The following ANKS1A variants were observed in gnomAD, a reference collection of about 807,000 sequenced individuals.
ANKS1A encodes ankyrin repeat and SAM domain-containing protein 1A.
A neutral mutation model predicts 120.3 loss-of-function variants in ANKS1A; 55 were observed. The ratio of observed to expected loss-of-function variants is 0.46; its 90% CI spans 0.37 to 0.57. ANKS1A has a LOEUF of 0.57. ANKS1A is among the 20% of genes least tolerant of loss of function. The pLI, the probability that ANKS1A is intolerant of heterozygous loss-of-function variation, is 0.00. For synonymous variants in ANKS1A, 590 were observed against 604.7 expected (o/e 0.98, Z 0.36); for missense variants, 1,123 against 1,480.3 (o/e 0.76, Z 3.96).
chr6:35,073,659 C>T (rs912279957), intron 13 of ANKS1A, among the ~76,000 whole-genome samples: 11 of 152,252 alleles, frequency 7.2e-5, no homozygotes, highest in Non-Finnish European at 1.5e-4. Context: ...ATCCCTAGGA[C>T]AATGAACTGT....
chr6:35,059,866 A>G (rs969370423), intron 12 of ANKS1A, among the ~76,000 whole-genome samples: 5 of 152,164 alleles, frequency 3.3e-5, no homozygotes, highest in South Asian at 4.1e-4. Context: ...GAGATCATGC[A>G]TGTGCAGCCG....
intron 3 of ANKS1A, among the ~76,000 whole-genome samples, chr6:34,970,467 C>T (rs1047654671): frequency 1.3e-5 from 2 of 152,128 alleles, no homozygotes; most frequent in African/African-American, 2.4e-5. Flanking sequence ...CCCTTCGTTT[C>T]CAGGACCTCC....
intron 1 of ANKS1A, among the ~76,000 whole-genome samples, chr6:34,927,124 T>C (rs1768756697): frequency 6.6e-6 from 1 of 152,134 alleles, no homozygotes; most frequent in South Asian, 2.1e-4. Flanking sequence ...TACAGAGTAC[T>C]AAATCATATT....
At chr6:34,950,115 G>A (rs1769997503) in intron 1 of ANKS1A, among the ~76,000 whole-genome samples, 2 of 152,062 alleles carry the variant, frequency 1.3e-5, no homozygotes, top group South Asian at 2.1e-4. Flanking sequence ...AGGAGCTTGA[G>A]GTTACAGTGA....
chr6:35,064,881 TAAAC>T (rs1432006298), intron 13 of ANKS1A, among the ~76,000 whole-genome samples: 4 of 152,156 alleles, frequency 2.6e-5, no homozygotes, highest in Non-Finnish European at 4.4e-5. Flanking sequence ...AGCAGAGCCT[TAAAC>T]AGGAGGATCA....
intron 1 of ANKS1A, among the ~76,000 whole-genome samples, chr6:34,929,176 GAGTA>G (rs1768854329): frequency 6.6e-6 from 1 of 152,182 alleles, no homozygotes. Flanking sequence ...ATCTGGAATG[GAGTA>G]AGTAAGGAAT....
chr6:35,007,011 A>C (rs1402448017), intron 10 of ANKS1A, among the ~76,000 whole-genome samples: 1 of 152,160 alleles, frequency 6.6e-6, no homozygotes, highest in African/African-American at 2.4e-5. Context: ...GACAAAAAAG[A>C]ATATATAACC....
chr6:34,985,381 A>C, intron 8 of ANKS1A, 103 bp downstream of exon 8: 100 of 1,205,538 alleles, frequency 8.3e-5, no homozygotes, highest in Non-Finnish European at 1.1e-4. Flanking sequence ...GTGCCAGCTC[A>C]TGTTTCCGGG....
chr6:34,900,959 G>T (rs1439929123), intron 1 of ANKS1A, among the ~76,000 whole-genome samples: 1 of 152,108 alleles, frequency 6.6e-6, no homozygotes, highest in Non-Finnish European at 1.5e-5. Context: ...CTTCCCTATA[G>T]CTCCCACATT....
chr6:34,959,467 G>A (rs147960121), intron 1 of ANKS1A, among the ~76,000 whole-genome samples: 5 of 152,326 alleles, frequency 3.3e-5, no homozygotes, highest in Admixed American at 2.6e-4. Flanking sequence ...AAACATGAGG[G>A]ATTTCCCTAA....
chr6:34,957,232 CT>C (rs1173459371), intron 1 of ANKS1A, among the ~76,000 whole-genome samples: 7 of 152,188 alleles, frequency 4.6e-5, no homozygotes, highest in Admixed American at 2.0e-4. Context: ...TAACTGAACT[CT>C]TTTGGCACTG....
intron 11 of ANKS1A, among the ~76,000 whole-genome samples, chr6:35,032,421 G>A (rs1774953019): frequency 6.6e-6 from 1 of 152,228 alleles, no homozygotes; most frequent in Non-Finnish European, 1.5e-5. Context: ...TCTTGTTTGT[G>A]TGTGTGGCCC....
At chr6:35,010,857 C>T (rs1423831456) in intron 10 of ANKS1A, among the ~76,000 whole-genome samples, 1 of 151,992 alleles carries the variant, frequency 6.6e-6, no homozygotes, top group East Asian at 1.9e-4. Flanking sequence ...TGTGATTGTC[C>T]TCCAAAAAGT....
At chr6:34,988,095 T>C (rs1311029542) in intron 8 of ANKS1A, among the ~76,000 whole-genome samples, 1 of 152,252 alleles carries the variant, frequency 6.6e-6, no homozygotes, top group Non-Finnish European at 1.5e-5. Context: ...GTGTCACCTT[T>C]TCAGTGACTT....
Position 35,090,229 on chromosome 6 carries a change from G to A in ANKS1A, c.*1620G>A, listed in dbSNP as rs914286671. On this transcript the variant is annotated 3_prime_UTR_variant, in exon 24 of 24. Coordinates refer to ENST00000360359, the MANE Select transcript of ANKS1A (RefSeq NM_015245.3). ...TACTTCATTTCCTGCCCCTTTCAGG[G>A]CCTGTGAGGATGCCCATGAGCTACC... 1 of 1,289,638 alleles carries A rather than the reference G, an allele frequency of 7.8e-7. No homozygotes were observed. Among genetic ancestry groups the A allele is most frequent in the Middle Eastern group, 2.1e-4 (1 of 4,696 alleles). The allele number at this position is 1,289,638 out of a possible 1,614,324, so 79.9% of individuals were successfully genotyped here.
In ANKS1A at chr6:35,086,500, C is replaced by G. The variant is rs191582248; in HGVS notation, c.3304-452C>G. On this transcript the variant is annotated intron_variant, in intron 22 of 23. Transcript: ENST00000360359. The surrounding 1 kb of genome is among the most constrained non-coding windows in gnomAD (Gnocchi z 5.1). ...CTTCCTGAGATGCCCTCTGCCTGTT[C>G]TGTGTGTGCTTCAGCCCTCTCTGTT... 4.9e-5 allele frequency: 27 copies of G among 550,058 alleles called. No individual in the cohort carries two copies. The highest frequency in any genetic ancestry group is 3.7e-4 in the African/African-American group (19 of 51,922). The allele number at this position is 550,058 out of a possible 1,614,324, so 34.1% of individuals were successfully genotyped here.
intron 12 of ANKS1A, among the ~76,000 whole-genome samples, chr6:35,055,403 C>T (rs1561942566): frequency 6.6e-6 from 1 of 151,870 alleles, no homozygotes; most frequent in African/African-American, 2.4e-5. Flanking sequence ...AATCTTGGCT[C>T]ATTGTAACCT....
Position 34,994,338 on chromosome 6 carries a change from G to T in ANKS1A, c.1339G>T (p.Ala447Ser), listed in dbSNP as rs753464233. The T allele has an allele frequency of 1.2e-6, 2 of 1,613,702 alleles. No homozygotes were observed. Among genetic ancestry groups the T allele is most frequent in the Admixed American group, 1.7e-5 (1 of 60,016 alleles). ...GAGACCTAGGATTCATGGGAGTGCAGCCCGGGAAGAAGACGAACACCCTTA... is the reference window on the plus strand; with the variant it reads ...GAGACCTAGGATTCATGGGAGTGCATCCCGGGAAGAAGACGAACACCCTTA... ...SMRPRIHGSA[A>S]REEDEHPYEL... is the part of the protein sequence containing the mutation. The change falls in exon 10 of 24, where the codon GCC becomes TCC. Residue 447 changes from alanine (A) to serine (S), a missense_variant. By Grantham distance (99) the Ala-to-Ser change is moderately conservative. Around this residue, in one of 3 missense-constraint regions of ANKS1A, gnomAD observed 904 missense variants for 1,130.4 expected, o/e 0.80. Transcript: ENST00000360359.
At chr6:35,026,905 C>T (rs1252555878) in intron 11 of ANKS1A, among the ~76,000 whole-genome samples, 4 of 151,870 alleles carry the variant, frequency 2.6e-5, no homozygotes, top group Admixed American at 6.6e-5. Flanking sequence ...ATGCACATAC[C>T]CACATTTTTA....
Sources: gnomAD v4.1 joint callset for allele counts (sites outside exome capture counted in the v4.1 genomes callset) on GRCh38, gnomAD v4.1.1 for gene constraint, gnomAD v4.1.1 regional missense constraint, Gnocchi (gnomAD v3.1) non-coding constraint, MANE v1.5 for transcripts, NCBI Gene and HGNC (gene_info 2026-07-23, HGNC 2026-07-21) for gene names.